CNTNAP2: variants seen among roughly 807,000 people sequenced by gnomAD.
CNTNAP2 encodes contactin-associated protein-like 2.
CNTNAP2 carries 98 observed loss-of-function variants against 155.2 expected under a neutral mutation model. That is an observed-to-expected ratio of 0.63 (90% CI 0.54 to 0.75). The LOEUF is 0.75. CNTNAP2 is among the 30% of genes least tolerant of loss of function. The pLI, the probability that CNTNAP2 is intolerant of heterozygous loss-of-function variation, is 0.00. For synonymous variants in CNTNAP2, 651 were observed against 631.2 expected (o/e 1.03, Z -0.47); for missense variants, 1,727 against 1,688.1 (o/e 1.02, Z -0.40).
chr7:147,876,704 C>G (rs1269050003), intron 13 of CNTNAP2, among the ~76,000 whole-genome samples: 1 of 152,032 alleles, frequency 6.6e-6, no homozygotes, highest in African/African-American at 2.4e-5. Flanking sequence ...TCTGGCTCAT[C>G]ATAAGGTAGA....
At chr7:148,366,443 A>C (rs1021736430) in intron 21 of CNTNAP2, among the ~76,000 whole-genome samples, 1 of 152,294 alleles carries the variant, frequency 6.6e-6, no homozygotes, top group African/African-American at 2.4e-5. Context: ...TAGATACTCA[A>C]TAATTCCTTG....
chr7:146,603,738 G>A (rs1798991026), intron 1 of CNTNAP2, among the ~76,000 whole-genome samples: 1 of 150,932 alleles, frequency 6.6e-6, no homozygotes, highest in Admixed American at 6.6e-5. Flanking sequence ...TAGATCAATG[G>A]AACAGAACAC....
At chr7:146,513,363 C>T (rs982748271) in intron 1 of CNTNAP2, among the ~76,000 whole-genome samples, 5 of 151,806 alleles carry the variant, frequency 3.3e-5, no homozygotes, top group Non-Finnish European at 5.9e-5. Context: ...TGTTTTGTAA[C>T]TCCTCTTGGC....
At chr7:146,938,987 C>T (rs1004714317) in intron 3 of CNTNAP2, among the ~76,000 whole-genome samples, 2 of 151,982 alleles carry the variant, frequency 1.3e-5, no homozygotes, top group African/African-American at 2.4e-5. Flanking sequence ...TCAATGCAGG[C>T]TAGCCTTTAC....
intron 9 of CNTNAP2, among the ~76,000 whole-genome samples, chr7:147,361,025 A>G (rs1461711469): frequency 6.6e-6 from 1 of 152,246 alleles, no homozygotes; most frequent in Non-Finnish European, 1.5e-5. Context: ...GTAAGAGTTC[A>G]CAGACATAAA....
At chr7:146,611,763 G>C (rs980344848) in intron 1 of CNTNAP2, among the ~76,000 whole-genome samples, 1 of 152,134 alleles carries the variant, frequency 6.6e-6, no homozygotes, top group Admixed American at 6.5e-5. Context: ...CTTTAGGCAA[G>C]CTTTATAGTA....
At chr7:147,635,506 G>T (rs1795164616) in intron 12 of CNTNAP2, among the ~76,000 whole-genome samples, 1 of 152,144 alleles carries the variant, frequency 6.6e-6, no homozygotes, top group Non-Finnish European at 1.5e-5. Flanking sequence ...CATATCGTAA[G>T]CACTCAATAA....
chr7:148,046,320 A>ATG (rs1359469744), intron 15 of CNTNAP2, among the ~76,000 whole-genome samples: 4 of 151,870 alleles, frequency 2.6e-5, no homozygotes, highest in East Asian at 1.9e-4. Context: ...ACTATGCATT[A>ATG]TGTGTGTGTG....
At chr7:146,290,416 C>T (rs926755916) in intron 1 of CNTNAP2, among the ~76,000 whole-genome samples, 3 of 152,146 alleles carry the variant, frequency 2.0e-5, no homozygotes, top group Non-Finnish European at 4.4e-5. Context: ...TTCTTCAAGG[C>T]GCTGCCCCTT....
intron 12 of CNTNAP2, among the ~76,000 whole-genome samples, chr7:147,565,375 T>C (rs1487652669): frequency 1.3e-5 from 2 of 151,580 alleles, no homozygotes; most frequent in Non-Finnish European, 2.9e-5. Flanking sequence ...AAGTGCGCTT[T>C]TTTTTATTAT....
intron 15 of CNTNAP2, among the ~76,000 whole-genome samples, chr7:148,107,255 C>G (rs145450545): frequency 6.6e-6 from 1 of 152,280 alleles, no homozygotes; most frequent in East Asian, 1.9e-4. Context: ...GGCTATAGGT[C>G]AGCTCACAGC....
intron 20 of CNTNAP2, among the ~76,000 whole-genome samples, chr7:148,252,306 C>T (rs1279819672): frequency 1.3e-5 from 2 of 152,136 alleles, no homozygotes; most frequent in Non-Finnish European, 2.9e-5. Context: ...GTGCTTGAGT[C>T]CCAACGTAGC....
chr7:147,684,359 C>A (rs570954768), intron 13 of CNTNAP2, among the ~76,000 whole-genome samples: 1 of 151,762 alleles, frequency 6.6e-6, no homozygotes, highest in Non-Finnish European at 1.5e-5. Flanking sequence ...ATAATTTCTA[C>A]CCCCAAAATT....
At chr7:146,782,588 T>C (rs1349825147) in intron 2 of CNTNAP2, among the ~76,000 whole-genome samples, 2 of 152,206 alleles carry the variant, frequency 1.3e-5, no homozygotes, top group African/African-American at 4.8e-5. Flanking sequence ...GATATAATAA[T>C]GATAAAGGAT....
chr7:147,086,272 C>T (rs1213662078), intron 4 of CNTNAP2, among the ~76,000 whole-genome samples: 1 of 151,870 alleles, frequency 6.6e-6, no homozygotes, highest in African/African-American at 2.4e-5. Context: ...AATGAGTTTA[C>T]AGAAAATAAA....
chr7:147,331,948 A>G (rs914762697), intron 9 of CNTNAP2, among the ~76,000 whole-genome samples: 1 of 152,208 alleles, frequency 6.6e-6, no homozygotes, highest in African/African-American at 2.4e-5. Context: ...TGTTCACAAC[A>G]TGTTTCAAAA....
intron 17 of CNTNAP2, among the ~76,000 whole-genome samples, chr7:148,163,334 T>C (rs1307293384): frequency 2.6e-5 from 4 of 152,222 alleles, no homozygotes; most frequent in African/African-American, 9.6e-5. Context: ...AGTTCTGGAA[T>C]AGTGCCTGAT....
chr7:146,244,364 A>C (rs980711548), intron 1 of CNTNAP2, among the ~76,000 whole-genome samples: 3 of 152,096 alleles, frequency 2.0e-5, no homozygotes, highest in African/African-American at 7.3e-5. Context: ...GAGTATGACT[A>C]GACACAAGAT....
chr7:146,183,254 C>G (rs1309532963), intron 1 of CNTNAP2, among the ~76,000 whole-genome samples: 1 of 152,060 alleles, frequency 6.6e-6, no homozygotes, highest in African/African-American at 2.4e-5. Context: ...GAAACCAGAA[C>G]AATTGGTGTC....
Sources: allele counts gnomAD v4.1 joint callset (sites outside exome capture counted in the v4.1 genomes callset), GRCh38; gene constraint gnomAD v4.1.1; transcripts MANE v1.5; gene names NCBI Gene and HGNC (gene_info 2026-07-23, HGNC 2026-07-21).